ATP2B2: variants seen among roughly 807,000 people sequenced by gnomAD.
ATP2B2 encodes ATPase plasma membrane Ca2+ transporting 2.
Under a neutral mutation model 120.0 loss-of-function variants are expected in ATP2B2, and 15 were observed. The observed-to-expected ratio is 0.12, with a 90% CI of 0.08 to 0.19. ATP2B2 has a LOEUF of 0.19. Among genes scored for constraint, ATP2B2 ranks in the 10% least tolerant of loss-of-function variants. The pLI, the probability that ATP2B2 is intolerant of heterozygous loss-of-function variation, is 1.00. For missense variants in ATP2B2, 1,045 were observed against 1,719.8 expected, an observed-to-expected ratio of 0.61 and a Z score of 6.94; for synonymous variants, 694 against 700.3, an observed-to-expected ratio of 0.99 and a Z score of 0.14.
chr3:10,457,910 T>TG (rs2064331346), intron 1 of ATP2B2, among the ~76,000 whole-genome samples: 1 of 152,078 alleles, frequency 6.6e-6, no homozygotes, highest in Admixed American at 6.5e-5. Flanking sequence ...GGGCTTCCTG[T>TG]GGAGCTTCTC....
At chr3:10,366,259 C>T (rs906482588) in intron 12 of ATP2B2, among the ~76,000 whole-genome samples, 14 of 152,264 alleles carry the variant, frequency 9.2e-5, no homozygotes, top group African/African-American at 2.4e-4. Context: ...CCTTTCTCCT[C>T]GGCCCTCCCT....
At chr3:10,704,531 G>A (rs1161139335) in intron 1 of ATP2B2, among the ~76,000 whole-genome samples, 1 of 152,002 alleles carries the variant, frequency 6.6e-6, no homozygotes, top group Admixed American at 6.6e-5. Context: ...TAGCGGGAAA[G>A]CCCTTCTTAG....
intron 5 of ATP2B2, 108 bp from the exon 6 acceptor site, chr3:10,388,510 G>A: frequency 2.0e-6 from 3 of 1,501,626 alleles, no homozygotes; most frequent in Non-Finnish European, 2.8e-6. Flanking sequence ...GCCTGCAGAG[G>A]TCATGGGGCA....
chr3:10,538,356 A>C (rs1429503826), intron 2 of ATP2B2, among the ~76,000 whole-genome samples: 2 of 152,204 alleles, frequency 1.3e-5, no homozygotes, highest in East Asian at 3.8e-4. Context: ...AAAAGAGGGA[A>C]TCCTCCCTAA....
intron 1 of ATP2B2, among the ~76,000 whole-genome samples, chr3:10,656,532 C>A (rs1197513990): frequency 2.0e-5 from 3 of 152,198 alleles, no homozygotes; most frequent in Non-Finnish European, 4.4e-5. Context: ...CTGGCTCCTG[C>A]CCAACCTCTG....
intron 1 of ATP2B2, among the ~76,000 whole-genome samples, chr3:10,461,149 C>T (rs1260838222): frequency 6.6e-6 from 1 of 152,194 alleles, no homozygotes; most frequent in East Asian, 1.9e-4. Context: ...GAGAATGATG[C>T]AGGTACCAGC....
rs112820000 is a variant in ATP2B2 at position 10,447,857 on chromosome 3, A to C, written c.199+1488T>G. ...CCCACCCTCCCTGCCAAAACAAAAA[A>C]ATAGCACCCAGTGAGAAAAGGTGTT... On this transcript the variant is annotated intron_variant, in intron 2 of 22. Transcript: ENST00000360273. 3.2e-3 allele frequency among the ~76,000 whole-genome samples: 495 copies of C among 152,370 alleles called. 5 individuals are homozygous for C. Among genetic ancestry groups the C allele is most frequent in the African/African-American group, 0.011 (464 of 41,594 alleles).
chr3:10,562,055 C>T (rs867053847), intron 2 of ATP2B2, among the ~76,000 whole-genome samples: 4 of 152,298 alleles, frequency 2.6e-5, no homozygotes, highest in South Asian at 4.1e-4. Flanking sequence ...GTGAGGAACT[C>T]GACAAGACAA....
In ATP2B2 at chr3:10,328,719, G is replaced by A; in HGVS notation, c.*95C>T. On this transcript the variant is annotated 3_prime_UTR_variant, in exon 23 of 23. Transcript: ENST00000360273. ...TGGTTTCCGATTGTTGCTCGTTGCTGCTTGGGTGAGTTGGGTGCCTGGATG... is the reference window on the plus strand; with the variant it reads ...TGGTTTCCGATTGTTGCTCGTTGCTACTTGGGTGAGTTGGGTGCCTGGATG... 7.6e-7 allele frequency: 1 copy of A among 1,307,434 alleles called. No homozygotes were observed. The highest frequency in any genetic ancestry group is 1.0e-6 in the Non-Finnish European group (1 of 954,874). 81.0% of individuals were successfully genotyped at this position (1,307,434 alleles called of 1,614,324 possible).
chr3:10,358,086 C>T (rs914252741), intron 14 of ATP2B2, among the ~76,000 whole-genome samples: 1 of 152,196 alleles, frequency 6.6e-6, no homozygotes, highest in Non-Finnish European at 1.5e-5. Flanking sequence ...TTCCCTTCTG[C>T]TGGAGAATGT....
intron 2 of ATP2B2, among the ~76,000 whole-genome samples, chr3:10,564,211 A>G (rs1264288834): frequency 6.6e-6 from 1 of 152,128 alleles, no homozygotes; most frequent in Non-Finnish European, 1.5e-5. Context: ...GATCAATAAT[A>G]CCCATAGGCT....
At chr3:10,570,222 C>T (rs545401094) in intron 2 of ATP2B2, 28 of 152,262 alleles carry the variant, frequency 1.8e-4, no homozygotes, top group African/African-American at 6.0e-4. Context: ...ATAAAGGGCC[C>T]GTTCAGGTAT....
intron 2 of ATP2B2, among the ~76,000 whole-genome samples, chr3:10,581,141 T>C (rs1026291712): frequency 6.6e-6 from 1 of 152,198 alleles, no homozygotes; most frequent in Non-Finnish European, 1.5e-5. Flanking sequence ...ATGCAACCAG[T>C]AGGCAGCAGG....
Position 10,402,338 on chromosome 3 carries a change from C to A in ATP2B2, c.408G>T (p.Thr136=), listed in dbSNP as rs371793867. The part of the protein sequence containing the change: ...PPGEGNEGCA[T]AQGGAEDEGE... ...CTTCATCCTCTGCCCCACCCTGGGC[C>A]GTCGCACATCCTGAAAGACCAGATA... The change falls in exon 4 of 23, where the codon ACG becomes ACT. Residue 136 remains threonine (T), a synonymous_variant. Transcript: ENST00000360273. This position sits in a 1 kb window ranked among gnomAD's most constrained non-coding sequence, Gnocchi z 4.9. 1 of 1,613,344 alleles carries A rather than the reference C, an allele frequency of 6.2e-7. No homozygotes were observed. The highest frequency in any genetic ancestry group is 8.5e-7 in the Non-Finnish European group (1 of 1,180,042).
At chr3:10,702,829 CCT>C (rs1324885838) in intron 1 of ATP2B2, among the ~76,000 whole-genome samples, 3 of 152,262 alleles carry the variant, frequency 2.0e-5, no homozygotes, top group Non-Finnish European at 2.9e-5. Context: ...ATTTTCTGTC[CCT>C]GTCATATTCA....
chr3:10,605,912 G>C (rs995579798), intron 2 of ATP2B2, among the ~76,000 whole-genome samples: 4 of 152,126 alleles, frequency 2.6e-5, no homozygotes, highest in African/African-American at 9.7e-5. Flanking sequence ...GCCTCCCAAA[G>C]TGCTGTGATT....
Position 10,343,043 on chromosome 3 carries a change from T to C in ATP2B2, c.2704-78A>G. The C allele has an allele frequency of 1.4e-6, 2 of 1,473,172 alleles. No homozygotes were observed. Among genetic ancestry groups the C allele is most frequent in the Non-Finnish European group, 1.9e-6 (2 of 1,061,410 alleles). 91.3% of individuals were successfully genotyped at this position (1,473,172 alleles called of 1,614,324 possible). A position where few individuals can be genotyped will look rare whatever the true frequency, so the allele number is the denominator to read the frequency against. On this transcript the variant is annotated intron_variant, in intron 18 of 22. Transcript: ENST00000360273. This position sits in a 1 kb window ranked among gnomAD's most constrained non-coding sequence, Gnocchi z 4.2. ...AGTGCTGGGCGGGCTCATGGTGTAG[T>C]GTCCGCAGGCTCCTGCTGGAGGCTG... is the stretch of plus-strand genomic sequence containing the variant.
chr3:10,488,463 A>ATTCC (rs1257729803), intron 1 of ATP2B2, among the ~76,000 whole-genome samples: 6,481 of 95,498 alleles, frequency 0.068, 363 homozygotes, highest in Middle Eastern at 0.098. Flanking sequence ...CACCCTACAA[A>ATTCC]TTCCTTCCTT....
chr3:10,497,858 T>G (rs577924123), intron 1 of ATP2B2, among the ~76,000 whole-genome samples: 16 of 152,300 alleles, frequency 1.1e-4, no homozygotes, highest in African/African-American at 3.8e-4. Flanking sequence ...GGTGTTCTTT[T>G]GCTGATTGTT....
Sources: gnomAD v4.1 joint callset for allele counts (sites outside exome capture counted in the v4.1 genomes callset) on GRCh38, gnomAD v4.1.1 for gene constraint, Gnocchi (gnomAD v3.1) non-coding constraint, MANE v1.5 for transcripts, NCBI Gene and HGNC (gene_info 2026-07-23, HGNC 2026-07-21) for gene names.